Variants in GTF2F2 observed in about 807,000 individuals in gnomAD.
GTF2F2 encodes ATP-dependent helicase GTF2F2.
In GTF2F2, 23 loss-of-function variants were observed where a neutral mutation model predicts 42.2. That is an observed-to-expected ratio of 0.55 (90% CI 0.39 to 0.77). GTF2F2 has a LOEUF of 0.77. Ranked by LOEUF, GTF2F2 falls within the 30% of genes least tolerant of loss-of-function variation. GTF2F2 has a pLI of 0.00. For synonymous variants in GTF2F2, 105 were observed against 100.8 expected, an observed-to-expected ratio of 1.04 and a Z score of -0.25; for missense variants, 261 against 287.2, an observed-to-expected ratio of 0.91 and a Z score of 0.66.
chr13:45,162,834 T>A (rs1407158724), intron 4 of GTF2F2, among the ~76,000 whole-genome samples: 1 of 152,196 alleles, frequency 6.6e-6, no homozygotes, highest in African/African-American at 2.4e-5. Context: ...TAGTGAATAG[T>A]TTAACCTATG....
intron 5 of GTF2F2, among the ~76,000 whole-genome samples, chr13:45,243,312 C>T (rs1034179479): frequency 1.3e-5 from 2 of 152,224 alleles, no homozygotes; most frequent in African/African-American, 4.8e-5. Flanking sequence ...GTGAACATTA[C>T]TGCCTGAGCT....
rs115277903 is a variant in GTF2F2 at position 45,136,218 on chromosome 13, A to G, written c.67-515A>G. Among the ~76,000 whole-genome samples the G allele has an allele frequency of 6.2e-3, 950 of 152,362 alleles. 10 individuals carry two copies. Among genetic ancestry groups the G allele is most frequent in the African/African-American group, 0.022 (907 of 41,570 alleles). Reference sequence around the variant, plus strand: ...GGATTAAATGTGTCAATCTATATAAAGTGCTTACAACAGTGTCAGGAAGGC... The same window carrying G: ...GGATTAAATGTGTCAATCTATATAAGGTGCTTACAACAGTGTCAGGAAGGC... On this transcript the variant is annotated intron_variant, in intron 1 of 7. Coordinates refer to ENST00000340473, the MANE Select transcript of GTF2F2 (RefSeq NM_004128.3).
chr13:45,258,850 A>G (rs17066556), intron 6 of GTF2F2, among the ~76,000 whole-genome samples: 1,805 of 152,280 alleles, frequency 0.012, 29 homozygotes, highest in African/African-American at 0.037. Context: ...TTTGCTCACA[A>G]AGGTGTATAA....
intron 5 of GTF2F2, among the ~76,000 whole-genome samples, chr13:45,241,464 T>C (rs1356132327): frequency 6.6e-6 from 1 of 152,182 alleles, no homozygotes; most frequent in Non-Finnish European, 1.5e-5. Context: ...ATATCTTTGT[T>C]GTCCAGTATG....
intron 5 of GTF2F2, among the ~76,000 whole-genome samples, chr13:45,238,992 A>G (rs1410408317): frequency 6.6e-6 from 1 of 151,934 alleles, no homozygotes; most frequent in Non-Finnish European, 1.5e-5. Flanking sequence ...TATATATTGC[A>G]GTGAATAAAT....
intron 4 of GTF2F2, chr13:45,194,313 G>A (rs961866447): frequency 1.9e-6 from 3 of 1,614,172 alleles, no homozygotes; most frequent in Non-Finnish European, 2.5e-6. Context: ...CATGCCTGAA[G>A]AGGAGACCAT....
intron 4 of GTF2F2, among the ~76,000 whole-genome samples, chr13:45,191,220 A>ATAT (rs1555267754): frequency 2.7e-5 from 2 of 75,218 alleles, no homozygotes; most frequent in Admixed American, 2.4e-4. Flanking sequence ...AAATACAAAA[A>ATAT]AAAAATATAT....
At chr13:45,220,424 T>C (rs1874060373) in intron 5 of GTF2F2, among the ~76,000 whole-genome samples, 1 of 152,196 alleles carries the variant, frequency 6.6e-6, no homozygotes, top group African/African-American at 2.4e-5. Context: ...TAGGGTATTA[T>C]TTTATGCTGT....
At chr13:45,278,630 A>T (rs1401068537) in intron 7 of GTF2F2, among the ~76,000 whole-genome samples, 1 of 150,586 alleles carries the variant, frequency 6.6e-6, no homozygotes, top group Non-Finnish European at 1.5e-5. Flanking sequence ...GAGGAGGAGA[A>T]CTCCTTTCTC....
At chr13:45,249,329 C>T (rs117298204) in intron 5 of GTF2F2, among the ~76,000 whole-genome samples, 6 of 151,972 alleles carry the variant, frequency 3.9e-5, no homozygotes, top group Non-Finnish European at 8.8e-5. Context: ...CTTGTGGTTG[C>T]CTTTTAAATG....
In GTF2F2 at chr13:45,276,760, G is replaced by T. The variant is rs535983311; in HGVS notation, c.631-6682G>T. Among the ~76,000 whole-genome samples the T allele has an allele frequency of 3.9e-5, 6 of 152,228 alleles. No homozygotes were observed. The East Asian group carries it at 1.2e-3, about 29-fold the overall frequency. ...CCGGCCTAATACAGTTTAGAAGCAT[G>T]TCTTTAAACAAAGTTAAAAGGTTTA... On this transcript the variant is annotated intron_variant, in intron 7 of 7. Transcript: ENST00000340473.
chr13:45,121,012 A>AT (rs2138078762), intron 1 of GTF2F2, among the ~76,000 whole-genome samples: 1 of 152,248 alleles, frequency 6.6e-6, no homozygotes, highest in Non-Finnish European at 1.5e-5. Flanking sequence ...TGGACGGTGC[A>AT]TTTTATCCCA....
intron 5 of GTF2F2, among the ~76,000 whole-genome samples, chr13:45,211,374 GTTT>G (rs370469537): frequency 2.2e-5 from 3 of 136,838 alleles, no homozygotes; most frequent in Non-Finnish European, 4.8e-5. Flanking sequence ...AATTTTTTTT[GTTT>G]TTTTTTTTTT....
chr13:45,135,858 C>T (rs554404212), intron 1 of GTF2F2, among the ~76,000 whole-genome samples: 8 of 152,204 alleles, frequency 5.3e-5, no homozygotes, highest in Non-Finnish European at 1.0e-4. Flanking sequence ...ATCTCATTTA[C>T]TCCTAATAAT....
chr13:45,132,437 T>TTC (rs1295543066), intron 1 of GTF2F2, among the ~76,000 whole-genome samples: 1 of 152,058 alleles, frequency 6.6e-6, no homozygotes, highest in Non-Finnish European at 1.5e-5. Context: ...ATTAGTGTTT[T>TTC]TTTTTTTTGG....
intron 5 of GTF2F2, chr13:45,220,879 GTCTGAACTT>G (rs1313264228): frequency 6.6e-6 from 1 of 151,928 alleles, no homozygotes; most frequent in Non-Finnish European, 1.5e-5. Flanking sequence ...CCTACTTACC[GTCTGAACTT>G]TTTGCCTCCG....
intron 7 of GTF2F2, among the ~76,000 whole-genome samples, chr13:45,272,922 A>ATTTTT (rs748355143): frequency 4.2e-5 from 4 of 96,318 alleles, no homozygotes; most frequent in Non-Finnish European, 7.9e-5. Context: ...CACCTGGCTA[A>ATTTTT]TTTTTTTTTT....
chr13:45,129,430 G>C (rs1056820944), intron 1 of GTF2F2, among the ~76,000 whole-genome samples: 7 of 151,950 alleles, frequency 4.6e-5, no homozygotes, highest in South Asian at 2.1e-4. Context: ...GGCTGGTCTC[G>C]AACTCCTGTG....
intron 4 of GTF2F2, among the ~76,000 whole-genome samples, chr13:45,196,558 TATA>T (rs1322132462): frequency 6.6e-6 from 1 of 152,224 alleles, no homozygotes; most frequent in Non-Finnish European, 1.5e-5. Context: ...AGTAGCATCA[TATA>T]ATAGCAAAAT....
Sources: gnomAD v4.1 joint callset for allele counts (sites outside exome capture counted in the v4.1 genomes callset) on GRCh38, gnomAD v4.1.1 for gene constraint, MANE v1.5 for transcripts, NCBI Gene and HGNC (gene_info 2026-07-23, HGNC 2026-07-21) for gene names.